MACROD2: variants seen among roughly 807,000 people sequenced by gnomAD.
The protein encoded by MACROD2 is ADP-ribose glycohydrolase MACROD2.
A neutral mutation model predicts 70.4 loss-of-function variants in MACROD2; 36 were observed. The ratio of observed to expected loss-of-function variants is 0.51; its 90% CI spans 0.39 to 0.68. The LOEUF is 0.68. Ranked by LOEUF, MACROD2 falls within the 30% of genes least tolerant of loss-of-function variation. MACROD2 has a pLI of 0.00. For synonymous variants in MACROD2, 172 were observed against 178.8 expected, an observed-to-expected ratio of 0.96 and a Z score of 0.30; for missense variants, 496 against 538.4, an observed-to-expected ratio of 0.92 and a Z score of 0.78.
At chr20:15,349,062 G>A (rs2078198364) in intron 6 of MACROD2, among the ~76,000 whole-genome samples, 1 of 152,082 alleles carries the variant, frequency 6.6e-6, no homozygotes, top group African/African-American at 2.4e-5. Flanking sequence ...CAGGACAGAA[G>A]CATTAGGCTC....
At chr20:14,099,477 C>T (rs1252602826) in intron 3 of MACROD2, among the ~76,000 whole-genome samples, 1 of 152,104 alleles carries the variant, frequency 6.6e-6, no homozygotes, top group Non-Finnish European at 1.5e-5. Context: ...ATGCTTGCAA[C>T]ATTGATACAT....
intron 8 of MACROD2, among the ~76,000 whole-genome samples, chr20:15,672,295 G>A (rs922785110): frequency 1.3e-5 from 2 of 151,450 alleles, no homozygotes; most frequent in Admixed American, 6.6e-5. Flanking sequence ...CCTGAATGGT[G>A]ATTAGTAATG....
chr20:15,259,565 G>A (rs1042115684), intron 6 of MACROD2, among the ~76,000 whole-genome samples: 2 of 151,944 alleles, frequency 1.3e-5, no homozygotes, highest in African/African-American at 4.8e-5. Flanking sequence ...GCAGTTATGA[G>A]TCAGTTGTTT....
chr20:14,188,072 A>C (rs2081358768), intron 3 of MACROD2, among the ~76,000 whole-genome samples: 1 of 152,188 alleles, frequency 6.6e-6, no homozygotes. Context: ...AAACCAGATT[A>C]TGAAAAACTT....
At chr20:14,130,509 A>C (rs1055078293) in intron 3 of MACROD2, among the ~76,000 whole-genome samples, 1 of 152,082 alleles carries the variant, frequency 6.6e-6, no homozygotes, top group African/African-American at 2.4e-5. Flanking sequence ...ACGCCACTGC[A>C]CTCCAGCCTA....
chr20:14,524,924 A>T (rs1408751347), intron 4 of MACROD2, among the ~76,000 whole-genome samples: 5 of 152,182 alleles, frequency 3.3e-5, no homozygotes, highest in Admixed American at 3.3e-4. Context: ...CCACACTAGG[A>T]GAAAAGCCTA....
chr20:15,436,201 C>T (rs372399789), intron 7 of MACROD2, among the ~76,000 whole-genome samples: 34 of 151,392 alleles, frequency 2.2e-4, no homozygotes, highest in Middle Eastern at 3.5e-3. Flanking sequence ...TTCATGCTGC[C>T]GATAAAGAAA....
chr20:15,579,786 G>A (rs573910580), intron 8 of MACROD2, among the ~76,000 whole-genome samples: 3 of 152,218 alleles, frequency 2.0e-5, no homozygotes, highest in Non-Finnish European at 2.9e-5. Flanking sequence ...GGTCATAATC[G>A]GTATTTCCTA....
intron 3 of MACROD2, among the ~76,000 whole-genome samples, chr20:14,251,955 A>G (rs982333827): frequency 6.6e-6 from 1 of 152,092 alleles, no homozygotes; most frequent in Non-Finnish European, 1.5e-5. Flanking sequence ...ATTTAAATCT[A>G]CAGTACTCAC....
rs11697445 is a variant in MACROD2, at chr20:14,861,995, A to T, written c.418+177036A>T. On this transcript the variant is annotated intron_variant, in intron 5 of 17. Coordinates refer to ENST00000684519, the MANE Select transcript of MACROD2 (RefSeq NM_001351661.2). The stretch of plus-strand genomic sequence containing the variant: ...TATATAAATATATATATATATATTT[A>T]TATATATATTTATATATATATATTT... Among the ~76,000 whole-genome samples, 186 of 28,514 alleles carry T rather than the reference A, an allele frequency of 6.5e-3. 8 individuals carry two copies. The highest frequency in any genetic ancestry group is 0.02 in the African/African-American group (158 of 7,800). The allele number at this position is 28,514 out of a possible 152,430, so 18.7% of individuals were successfully genotyped here.
rs548909799 is a variant in MACROD2, at chr20:14,839,335, C to T, written c.418+154376C>T. Reference sequence around the variant, plus strand: ...ACACAAGTCTGATGGAATGAGAGATCGCATGAAAGAATTTGATTTAAGCTG... The same window carrying T: ...ACACAAGTCTGATGGAATGAGAGATTGCATGAAAGAATTTGATTTAAGCTG... On this transcript the variant is annotated intron_variant, in intron 5 of 17. Coordinates refer to ENST00000684519, the MANE Select transcript of MACROD2 (RefSeq NM_001351661.2). 5.3e-5 allele frequency among the ~76,000 whole-genome samples: 8 copies of T among 152,132 alleles called. No individual in the cohort carries two copies. The South Asian group carries it at 1.5e-3, about 28-fold the overall frequency.
chr20:15,044,335 T>TG (rs1378707214), intron 5 of MACROD2, among the ~76,000 whole-genome samples: 2 of 152,222 alleles, frequency 1.3e-5, no homozygotes, highest in Non-Finnish European at 2.9e-5. Flanking sequence ...TGCCAGGAAC[T>TG]GGGGACTGAA....
At chr20:14,436,935 T>A (rs1275344805) in intron 3 of MACROD2, among the ~76,000 whole-genome samples, 1 of 152,212 alleles carries the variant, frequency 6.6e-6, no homozygotes, top group Non-Finnish European at 1.5e-5. Context: ...TGGTTTTTGT[T>A]TTTAGCATTA....
intron 8 of MACROD2, among the ~76,000 whole-genome samples, chr20:15,570,566 G>C (rs933251256): frequency 6.6e-6 from 1 of 152,156 alleles, no homozygotes; most frequent in African/African-American, 2.4e-5. Flanking sequence ...ACTGGCTCCA[G>C]TTACACTTGG....
At chr20:14,265,451 A>G (rs1424517318) in intron 3 of MACROD2, among the ~76,000 whole-genome samples, 1 of 152,162 alleles carries the variant, frequency 6.6e-6, no homozygotes, top group Admixed American at 6.5e-5. Flanking sequence ...GGCTGACTCA[A>G]TATACACTCT....
At chr20:15,125,318 A>T (rs952443848) in intron 5 of MACROD2, among the ~76,000 whole-genome samples, 1 of 152,050 alleles carries the variant, frequency 6.6e-6, no homozygotes, top group African/African-American at 2.4e-5. Flanking sequence ...AAACAAACAC[A>T]TTCCTCAAAG....
intron 3 of MACROD2, among the ~76,000 whole-genome samples, chr20:14,441,141 A>G (rs8113955): frequency 0.018 from 2,682 of 152,310 alleles, 72 homozygotes; most frequent in African/African-American, 0.06. Flanking sequence ...ATAGAATGTG[A>G]TAGAAGTAAT....
chr20:14,757,745 G>A (rs1443418060), intron 5 of MACROD2: 20 of 1,531,998 alleles, frequency 1.3e-5, no homozygotes, highest in Non-Finnish European at 1.8e-5. Context: ...GGCACAGTTT[G>A]CCTGGAGACA....
chr20:15,243,643 C>T (rs1322131720), intron 6 of MACROD2, among the ~76,000 whole-genome samples: 6 of 152,124 alleles, frequency 3.9e-5, no homozygotes, highest in South Asian at 2.1e-4. Context: ...TGGCCGGGCA[C>T]GGTGGCTCAC....
Sources: gnomAD v4.1 joint callset for allele counts (sites outside exome capture counted in the v4.1 genomes callset) on GRCh38, gnomAD v4.1.1 for gene constraint, MANE v1.5 for transcripts, NCBI Gene and HGNC (gene_info 2026-07-23, HGNC 2026-07-21) for gene names.